GPHN: variants seen among roughly 807,000 people sequenced by gnomAD.
The protein encoded by GPHN is gephyrin.
Under a neutral mutation model 95.5 loss-of-function variants are expected in GPHN, and 17 were observed. That is an observed-to-expected ratio of 0.18 (90% CI 0.12 to 0.27). GPHN has a LOEUF of 0.27. Ranked by LOEUF, GPHN falls within the 10% of genes least tolerant of loss-of-function variation. The pLI, the probability that GPHN is intolerant of heterozygous loss-of-function variation, is 1.00. For synonymous variants in GPHN, 320 were observed against 322.5 expected (o/e 0.99, Z 0.08); for missense variants, 660 against 978.1 (o/e 0.67, Z 4.34).
At chr14:67,055,120 A>G (rs1309582749) in intron 10 of GPHN, among the ~76,000 whole-genome samples, 1 of 152,250 alleles carries the variant, frequency 6.6e-6, no homozygotes, top group African/African-American at 2.4e-5. Flanking sequence ...GAGCTTCTGC[A>G]CAGCAAAAGA....
the GPHN span, chr14:67,559,793 C>T: frequency 1.4e-6 from 1 of 731,930 alleles, no homozygotes; most frequent in South Asian, 1.5e-5. Context: ...CCTCGGCTGA[C>T]CTTCATTCTG....
the GPHN span, chr14:67,301,307 C>A: frequency 1.5e-6 from 1 of 668,098 alleles, no homozygotes; most frequent in Admixed American, 3.0e-5. Context: ...TTAATTTGTA[C>A]TTAAAAAATA....
At chr14:66,654,314 C>T (rs12587269) in intron 1 of GPHN, among the ~76,000 whole-genome samples, 1 of 151,934 alleles carries the variant, frequency 6.6e-6, no homozygotes, top group East Asian at 1.9e-4. Flanking sequence ...TCTATGGTCT[C>T]GAACCCCTGG....
intron 5 of GPHN, among the ~76,000 whole-genome samples, chr14:66,905,140 C>T (rs1731233736): frequency 6.6e-6 from 1 of 152,020 alleles, no homozygotes; most frequent in African/African-American, 2.4e-5. Context: ...TTTTTCTTCT[C>T]TGTGTATTTT....
chr14:66,638,275 A>T (rs2064209366), intron 1 of GPHN, among the ~76,000 whole-genome samples: 1 of 152,124 alleles, frequency 6.6e-6, no homozygotes, highest in Non-Finnish European at 1.5e-5. Context: ...CTCTACTAAA[A>T]ATACAAAAAT....
At chr14:66,520,144 G>C (rs1046387261) in intron 1 of GPHN, among the ~76,000 whole-genome samples, 1 of 152,042 alleles carries the variant, frequency 6.6e-6, no homozygotes, top group Non-Finnish European at 1.5e-5. Flanking sequence ...CGAGGTTTCT[G>C]ATTTTTCAGA....
the GPHN span, among the ~76,000 whole-genome samples, chr14:67,297,335 A>G: frequency 1.3e-5 from 2 of 152,228 alleles, no homozygotes; most frequent in East Asian, 1.9e-4. Flanking sequence ...ATGCACACAC[A>G]TATCTCATTT....
chr14:67,082,402 T>C lies in GPHN; in HGVS notation c.1145-6581T>C, dbSNP rs570507170. Among the ~76,000 whole-genome samples the C allele has an allele frequency of 1.4e-4, 22 of 152,260 alleles. No individual in the cohort carries two copies. In the East Asian group the frequency reaches 1.9e-3, roughly 13 times the overall value. ...TGTTGAAGAGACTGTCCTTTCCCCA[T>C]TGAGTGGTCTTGACACCCTTATCAG... On this transcript the variant is annotated intron_variant, in intron 11 of 22. Transcript: ENST00000478722.
intron 1 of GPHN, among the ~76,000 whole-genome samples, chr14:66,603,597 T>C (rs1387448047): frequency 6.6e-6 from 1 of 151,982 alleles, no homozygotes; most frequent in Non-Finnish European, 1.5e-5. Context: ...TTATACACAA[T>C]TCCTATTTTT....
chr14:67,156,780 C>T (rs1286344232), intron 18 of GPHN, among the ~76,000 whole-genome samples: 2 of 151,868 alleles, frequency 1.3e-5, no homozygotes, highest in Admixed American at 6.6e-5. Flanking sequence ...AGTTCGAGAC[C>T]AGCCTAACCA....
rs1228921245 is a variant in GPHN, at chr14:66,834,512, T to A, written c.294+9946T>A. Among the ~76,000 whole-genome samples, 8 of 152,238 alleles carry A rather than the reference T, an allele frequency of 5.3e-5. No homozygotes were observed. The East Asian group carries it at 1.5e-3, about 29-fold the overall frequency. Reference sequence around the variant, plus strand: ...GCCTTTTCTGCATGTATTGAGATAATCATGTGGTTTTTGTCTTTGGCTCTG... The same window carrying A: ...GCCTTTTCTGCATGTATTGAGATAAACATGTGGTTTTTGTCTTTGGCTCTG... On this transcript the variant is annotated intron_variant, in intron 4 of 22. Transcript: ENST00000478722.
chr14:67,477,963 C>CA, the GPHN span, among the ~76,000 whole-genome samples: 2,191 of 152,258 alleles, frequency 0.014, 23 homozygotes, highest in Non-Finnish European at 0.02. Flanking sequence ...CCTGGTTCAG[C>CA]ATAGTATTCC....
intron 1 of GPHN, among the ~76,000 whole-genome samples, chr14:66,650,313 A>C (rs570377318): frequency 1.1e-4 from 16 of 152,338 alleles, no homozygotes; most frequent in African/African-American, 3.8e-4. Context: ...AGAAAAGAAC[A>C]TGAACATAAA....
chr14:66,724,292 C>G (rs977894947), intron 2 of GPHN, among the ~76,000 whole-genome samples: 2 of 150,962 alleles, frequency 1.3e-5, no homozygotes, highest in Admixed American at 1.3e-4. Context: ...TTTTCTTTTT[C>G]CACAACAAAT....
At chr14:67,083,351 T>C (rs972125654) in intron 11 of GPHN, among the ~76,000 whole-genome samples, 32 of 152,042 alleles carry the variant, frequency 2.1e-4, no homozygotes, top group African/African-American at 7.7e-4. Flanking sequence ...TGAGATCTGG[T>C]TGTTTAAAAG....
At chr14:66,634,204 A>T (rs1321970099) in intron 1 of GPHN, among the ~76,000 whole-genome samples, 2 of 151,506 alleles carry the variant, frequency 1.3e-5, no homozygotes, top group Non-Finnish European at 2.9e-5. Context: ...CCTTACATTG[A>T]TATTTGCACA....
At chr14:66,651,424 G>A (rs2153365618) in intron 1 of GPHN, among the ~76,000 whole-genome samples, 1 of 152,186 alleles carries the variant, frequency 6.6e-6, no homozygotes, top group South Asian at 2.1e-4. Flanking sequence ...ACTGAGCCAG[G>A]GCTGCCTTTC....
the GPHN span, among the ~76,000 whole-genome samples, chr14:67,582,688 T>C: frequency 6.6e-6 from 1 of 151,940 alleles, no homozygotes; most frequent in East Asian, 1.9e-4. This position sits in a 1 kb window ranked among gnomAD's most constrained non-coding sequence, Gnocchi z 5.0. Flanking sequence ...AAAATAAAAA[T>C]TAGCTGGGTG....
chr14:67,029,976 T>G (rs1258199439), intron 10 of GPHN, among the ~76,000 whole-genome samples: 2 of 144,152 alleles, frequency 1.4e-5, no homozygotes, highest in African/African-American at 5.6e-5. Context: ...TTCTCCAGCT[T>G]CTTTGGTAGC....
Sources: gnomAD v4.1 joint callset for allele counts (sites outside exome capture counted in the v4.1 genomes callset) on GRCh38, gnomAD v4.1.1 for gene constraint, Gnocchi (gnomAD v3.1) non-coding constraint, MANE v1.5 for transcripts, NCBI Gene and HGNC (gene_info 2026-07-23, HGNC 2026-07-21) for gene names.